STX16: variants seen among roughly 807,000 people sequenced by gnomAD.
STX16 encodes syntaxin 16.
STX16 carries 28 observed loss-of-function variants against 42.7 expected under a neutral mutation model. The ratio of observed to expected loss-of-function variants is 0.66; its 90% CI spans 0.49 to 0.90. The LOEUF (loss-of-function observed/expected upper bound fraction) is 0.90, where lower values mean the gene tolerates loss of function less well. Ranked by LOEUF, STX16 falls within the 40% of genes least tolerant of loss-of-function variation. The pLI, the probability that STX16 is intolerant of heterozygous loss-of-function variation, is 0.00. For missense variants in STX16, 361 were observed against 420.9 expected (o/e 0.86, Z 1.24); for synonymous variants, 156 against 155.2 (o/e 1.00, Z -0.04).
At chr20:58,661,611 C>T (rs2083701482) in intron 2 of STX16, among the ~76,000 whole-genome samples, 1 of 152,224 alleles carries the variant, frequency 6.6e-6, no homozygotes, top group Non-Finnish European at 1.5e-5. Flanking sequence ...CCACAATTGT[C>T]TGTGACGTAC....
chr20:58,665,218 C>T (rs73131894), intron 2 of STX16, among the ~76,000 whole-genome samples: 8,746 of 152,246 alleles, frequency 0.057, 335 homozygotes, highest in Middle Eastern at 0.1. Context: ...GTGAGGTCTG[C>T]GCCTCTCTGT....
At chr20:58,672,856 G>A (rs2123011295) in intron 7 of STX16, among the ~76,000 whole-genome samples, 1 of 152,210 alleles carries the variant, frequency 6.6e-6, no homozygotes, top group South Asian at 2.1e-4. Context: ...ATCTGATTAG[G>A]GCATTTTATT....
At chr20:58,671,120 A>G in intron 6 of STX16, 34 bp from the exon 7 acceptor site, 4 of 1,564,360 alleles carry the variant, frequency 2.6e-6, no homozygotes, top group Non-Finnish European at 2.6e-6. Flanking sequence ...GAGGGAAAAC[A>G]ATCTATCCAA....
chr20:58,651,826 G>T lies in STX16; in HGVS notation c.-181G>T. 1 of 613,672 alleles carries T rather than the reference G, an allele frequency of 1.6e-6. No individual in the cohort carries two copies. Among genetic ancestry groups the T allele is most frequent in the Non-Finnish European group, 2.9e-6 (1 of 349,446 alleles). The allele number at this position is 613,672 out of a possible 1,614,324, so 38.0% of individuals were successfully genotyped here. ...AATTGGAAAGCCTAGGTAGTTATTTGGGGAGGGGTCTCTACGCCTTGGCGA... is the reference window on the plus strand; with the variant it reads ...AATTGGAAAGCCTAGGTAGTTATTTTGGGAGGGGTCTCTACGCCTTGGCGA... On this transcript the variant is annotated 5_prime_UTR_variant, in exon 1 of 9. Coordinates refer to ENST00000371141, the MANE Select transcript of STX16 (RefSeq NM_001001433.3).
chr20:58,673,661 G>A lies in STX16; in HGVS notation c.823G>A (p.Val275Ile), dbSNP rs749300349. 1.0e-4 allele frequency: 163 copies of A among 1,613,288 alleles called. No individual in the cohort carries two copies. The highest frequency in any genetic ancestry group is 1.3e-4 in the Non-Finnish European group (150 of 1,179,430). ...GTVLDRIDYN[V>I]EQSCIKTEDG... ...AGTCCTTGACAGAATTGACTATAACGTTGAACAGTCCTGTATCAAAACTGA... is the reference window on the plus strand; with the variant it reads ...AGTCCTTGACAGAATTGACTATAACATTGAACAGTCCTGTATCAAAACTGA... Residue 275 changes from valine to isoleucine, a missense_variant, in exon 8 of 9, where the codon GTT becomes ATT. Val to Ile is a conservative substitution (Grantham distance 29). Transcript: ENST00000371141.
At chr20:58,670,423 A>C (rs180679738) in intron 5 of STX16, 89 bp from the exon 6 acceptor site, 1 of 1,014,548 alleles carries the variant, frequency 9.9e-7, no homozygotes, top group Admixed American at 1.9e-5. Flanking sequence ...TGACTGTTGG[A>C]GTTTACTCTA....
Position 58,667,546 on chromosome 20 carries a change from G to T in STX16, c.201G>T (p.Ala67=), listed in dbSNP as rs376636519. 1.2e-5 allele frequency: 19 copies of T among 1,614,158 alleles called. No homozygotes were observed. Among genetic ancestry groups the T allele is most frequent in the Non-Finnish European group, 1.6e-5 (19 of 1,180,048 alleles). Residue 67 remains alanine, a synonymous_variant, in exon 3 of 9, where the codon GCG becomes GCT. Coordinates refer to ENST00000371141, the MANE Select transcript of STX16 (RefSeq NM_001001433.3). ...GCATCAGCTTAGATCCAGAAGCAGC[G>T]ATTGGTGTGACAAAACGGCCACCTC... ...VSGISLDPEA[A]IGVTKRPPPK...
intron 2 of STX16, among the ~76,000 whole-genome samples, chr20:58,662,046 G>A (rs78655159): frequency 0.051 from 7,801 of 152,298 alleles, 265 homozygotes; most frequent in Non-Finnish European, 0.074. Flanking sequence ...TCCCTGAGGA[G>A]GACCCGAGCC....
intron 7 of STX16, among the ~76,000 whole-genome samples, chr20:58,672,106 A>G (rs1382652265): frequency 6.6e-6 from 1 of 152,088 alleles, no homozygotes; most frequent in Admixed American, 6.6e-5. Flanking sequence ...GCTGAGGCAC[A>G]TGGATCACCT....
chr20:58,660,730 TTTTTTTTTTC>T (rs2083679039), intron 2 of STX16, among the ~76,000 whole-genome samples: 1 of 148,128 alleles, frequency 6.8e-6, no homozygotes, highest in South Asian at 2.2e-4. Context: ...TTTTTTTTTT[TTTTTTTTTTC>T]AGGAAAAATA....
Position 58,670,603 on chromosome 20 carries a change from G to T in STX16, c.648G>T (p.Arg216=). The change falls in exon 6 of 9, where the codon CGG becomes CGT. Residue 216 remains arginine, a splice_region_variant and synonymous_variant. Coordinates refer to ENST00000371141, the MANE Select transcript of STX16 (RefSeq NM_001001433.3). The part of the protein sequence containing the change: ...DDGDDNTLYH[R]GFTEDQLVLV... Reference sequence around the variant, plus strand: ...GAGACGATAACACTCTTTACCATCGGGTACGTGAACGGGCTGCAAAGCTGA... The same window carrying T: ...GAGACGATAACACTCTTTACCATCGTGTACGTGAACGGGCTGCAAAGCTGA... 1 of 1,613,544 alleles carries T rather than the reference G, an allele frequency of 6.2e-7. No homozygotes were observed. The highest frequency in any genetic ancestry group is 8.5e-7 in the Non-Finnish European group (1 of 1,179,542).
chr20:58,674,289 A>G (rs1464095436), intron 8 of STX16, among the ~76,000 whole-genome samples: 2 of 152,184 alleles, frequency 1.3e-5, no homozygotes, highest in South Asian at 2.1e-4. Flanking sequence ...GGATGTTTTT[A>G]TGATATTCTC....
chr20:58,673,590 T>C, intron 7 of STX16, 41 bp from the exon 8 acceptor site: 2 of 1,353,480 alleles, frequency 1.5e-6, no homozygotes, highest in Non-Finnish European at 2.1e-6. Flanking sequence ...GTTTTCCCAG[T>C]TGCTATTGTT....
At chr20:58,655,160 G>T (rs1006360418) in intron 1 of STX16, among the ~76,000 whole-genome samples, 2 of 151,862 alleles carry the variant, frequency 1.3e-5, no homozygotes, top group African/African-American at 4.8e-5. Flanking sequence ...TGATGCATTT[G>T]ATACCAACTA....
chr20:58,664,407 TA>T (rs2083769028), intron 2 of STX16, among the ~76,000 whole-genome samples: 1 of 152,244 alleles, frequency 6.6e-6, no homozygotes, highest in Non-Finnish European at 1.5e-5. Context: ...GACTGTATCA[TA>T]AAAGAGACAA....
rs1012343811 is a variant in STX16 at position 58,657,750 on chromosome 20, G to T, written c.133-1873G>T. On this transcript the variant is annotated intron_variant, in intron 1 of 8. Coordinates refer to ENST00000371141, the MANE Select transcript of STX16 (RefSeq NM_001001433.3). The surrounding 1 kb of genome is among the most constrained non-coding windows in gnomAD (Gnocchi z 4.2). ...GACTAAATTTCCTGGTAATTTGGTG[G>T]CAGACAGAATTTTGAAAGCCTTCTA... Among the ~76,000 whole-genome samples the T allele has an allele frequency of 6.6e-6, 1 of 152,144 alleles. No individual in the cohort carries two copies. The highest frequency in any genetic ancestry group is 1.5e-5 in the Non-Finnish European group (1 of 68,038).
At chr20:58,676,124 G>T in intron 8 of STX16, 63 bp from the exon 9 acceptor site, 1 of 1,385,794 alleles carries the variant, frequency 7.2e-7, no homozygotes, top group South Asian at 1.2e-5. Flanking sequence ...TTCTGGAAAC[G>T]AGTGGGACTT....
At chr20:58,675,885 A>G (rs1302830601) in intron 8 of STX16, among the ~76,000 whole-genome samples, 2 of 152,226 alleles carry the variant, frequency 1.3e-5, no homozygotes, top group Non-Finnish European at 1.5e-5. Context: ...CGGGAGAAGC[A>G]GGCCCAGCTG....
chr20:58,675,253 C>G (rs567981016), intron 8 of STX16, among the ~76,000 whole-genome samples: 25 of 152,196 alleles, frequency 1.6e-4, no homozygotes, highest in Non-Finnish European at 3.5e-4. Context: ...AACAAGCCCA[C>G]CGCGGGGGAT....
Sources: gnomAD v4.1 joint callset for allele counts (sites outside exome capture counted in the v4.1 genomes callset) on GRCh38, gnomAD v4.1.1 for gene constraint, Gnocchi (gnomAD v3.1) non-coding constraint, MANE v1.5 for transcripts, NCBI Gene and HGNC (gene_info 2026-07-23, HGNC 2026-07-21) for gene names.